The following DNAH7 variants were observed in gnomAD, a reference collection of about 807,000 sequenced individuals.
DNAH7 encodes axonemal beta dynein heavy chain 7.
DNAH7 carries 397 observed loss-of-function variants against 444.6 expected under a neutral mutation model. The observed-to-expected ratio is 0.89, with a 90% confidence interval of 0.82 to 0.97. The LOEUF (loss-of-function observed/expected upper bound fraction) is 0.97. Among genes scored for constraint, DNAH7 ranks in the 50% least tolerant of loss-of-function variants. The pLI, the probability that DNAH7 is intolerant of heterozygous loss-of-function variation, is 0.00. For synonymous variants in DNAH7, 1,636 were observed against 1,624.4 expected, an observed-to-expected ratio of 1.01 and a Z score of -0.17; for missense variants, 4,902 against 4,800.8, an observed-to-expected ratio of 1.02 and a Z score of -0.62.
chr2:195,808,719 C>T lies in DNAH7; in HGVS notation c.10046G>A (p.Arg3349His), dbSNP rs375673704. ...TACTTTCTTCCATCCATCCTTTAAG[C>T]GCATAAACTCTCTACGAATGGTTTT... is the stretch of plus-strand genomic sequence containing the variant. ...AFKTIRREFM[R>H]LKDGWKKVYD... Residue 3349 changes from arginine (R) to histidine (H), a missense_variant, in exon 53 of 65, where the codon CGC (arginine) becomes CAC (histidine). Transcript: ENST00000312428. 2.1e-5 allele frequency: 34 copies of T among 1,613,820 alleles called. No individual in the cohort carries two copies. Among genetic ancestry groups the T allele is most frequent in the Middle Eastern group, 1.6e-4 (1 of 6,080 alleles).
At chr2:195,841,862 ATTG>A (rs1391972006) in intron 47 of DNAH7, among the ~76,000 whole-genome samples, 1 of 151,908 alleles carries the variant, frequency 6.6e-6, no homozygotes, top group African/African-American at 2.4e-5. Context: ...TCTAGAGAGG[ATTG>A]TTATTTGGTG....
At position 195,809,725 on chromosome 2, in the gene DNAH7, C is replaced by A; in HGVS notation, c.9888+20G>T. 1 of 1,495,400 alleles carries A rather than the reference C, an allele frequency of 6.7e-7. No homozygotes were observed. Among genetic ancestry groups the A allele is most frequent in the Non-Finnish European group, 8.9e-7 (1 of 1,123,494 alleles). 92.6% of individuals were successfully genotyped at this position (1,495,400 alleles called of 1,614,324 possible). A position where few individuals can be genotyped will look rare whatever the true frequency, so the allele number is the denominator to read the frequency against. ...AGCGTTATTAAGGGTTTTTTTCTTA[C>A]AAATGAAAACAGTACTGACCGCCCG... is the stretch of plus-strand genomic sequence containing the variant. On this transcript the variant is annotated intron_variant, in intron 52 of 64. Transcript: ENST00000312428.
At chr2:195,912,572 C>T (rs1687422142) in intron 24 of DNAH7, among the ~76,000 whole-genome samples, 2 of 152,158 alleles carry the variant, frequency 1.3e-5, no homozygotes, top group African/African-American at 4.8e-5. Flanking sequence ...AAGCAAAAGC[C>T]ACCTGCGGCC....
At chr2:195,769,668 G>A (rs1037548442) in intron 61 of DNAH7, among the ~76,000 whole-genome samples, 2 of 151,888 alleles carry the variant, frequency 1.3e-5, no homozygotes, top group Non-Finnish European at 2.9e-5. Flanking sequence ...ACTTCTGTTC[G>A]TAAGTCACTA....
At chr2:195,757,859 T>A (rs1308901536) in intron 61 of DNAH7, among the ~76,000 whole-genome samples, 1 of 152,168 alleles carries the variant, frequency 6.6e-6, no homozygotes, top group African/African-American at 2.4e-5. Flanking sequence ...TAAAACTTGG[T>A]TTAAAAAACA....
At chr2:195,765,422 C>A (rs1694525416) in intron 61 of DNAH7, among the ~76,000 whole-genome samples, 1 of 151,902 alleles carries the variant, frequency 6.6e-6, no homozygotes, top group African/African-American at 2.4e-5. Flanking sequence ...AAGAAGCAAT[C>A]AATAAAATGA....
chr2:195,931,525 A>T (rs963726754), intron 21 of DNAH7, among the ~76,000 whole-genome samples: 1 of 151,674 alleles, frequency 6.6e-6, no homozygotes, highest in African/African-American at 2.4e-5. Context: ...GGTATTGCCT[A>T]GGTTTTCTTC....
At chr2:195,899,859 A>G (rs1479262400) in intron 28 of DNAH7, among the ~76,000 whole-genome samples, 2 of 152,200 alleles carry the variant, frequency 1.3e-5, no homozygotes, top group Non-Finnish European at 2.9e-5. Flanking sequence ...GAAGGTAAAC[A>G]TCATACTGCA....
intron 48 of DNAH7, among the ~76,000 whole-genome samples, chr2:195,833,792 G>A (rs1212571423): frequency 6.6e-6 from 1 of 151,938 alleles, no homozygotes; most frequent in Non-Finnish European, 1.5e-5. Flanking sequence ...GTCTCGCTCT[G>A]CCACCCAGGC....
chr2:195,881,861 C>T lies in DNAH7; in HGVS notation c.5895G>A (p.Leu1965=), dbSNP rs1701402363. 6 of 1,613,852 alleles carry T rather than the reference C, an allele frequency of 3.7e-6. No homozygotes were observed. The South Asian group carries it at 6.6e-5, about 18-fold the overall frequency. Residue 1965 remains leucine, a synonymous_variant, in exon 36 of 65, where the codon CTG becomes CTA. Transcript: ENST00000312428. ...ATATTGAAGGCTTTTGATGGGTGGT[C>T]AGCAATTCCATTAATGCAGAGTATC... ...TIRYSALMEL[L]TTHQKPSIFV... is the part of the protein sequence containing the mutation.
In DNAH7 at chr2:196,068,655, C is replaced by T. The variant is rs188121618; in HGVS notation, c.15+42G>A. 5,312 of 1,549,806 alleles carry T rather than the reference C, an allele frequency of 3.4e-3. 334 individuals are homozygous for T. The Admixed American group carries it at 0.098, about 29-fold the overall frequency. On this transcript the variant is annotated intron_variant, in intron 1 of 64. Coordinates refer to ENST00000312428, the MANE Select transcript of DNAH7 (RefSeq NM_018897.3). ...CACCACTTCCGAAACGCCTGGGAAG[C>T]GTCGCGGCGGCGGCGAGCCTGGCAA... is the stretch of plus-strand genomic sequence containing the variant.
chr2:195,961,228 ACT>A (rs1691077562), intron 17 of DNAH7, among the ~76,000 whole-genome samples: 1 of 152,174 alleles, frequency 6.6e-6, no homozygotes, highest in South Asian at 2.1e-4. Flanking sequence ...TACCTCACAC[ACT>A]GATTTTTTTG....
At position 196,048,334 on chromosome 2, in the gene DNAH7, C is replaced by T. The variant is rs753464736; in HGVS notation, c.212G>A (p.Ser71Asn). ...ATTTTTAACACTAAATGGTTCTGGA[C>T]TCTCATCATCCTGCTTTACACTCAA... Reference protein sequence around the residue: ...FHLSVKQDDESPEPFSVKNEQ... With the variant: ...FHLSVKQDDENPEPFSVKNEQ... Residue 71 changes from serine to asparagine, a missense_variant, in exon 4 of 65, where the codon AGT becomes AAT. Physicochemically the swap from Ser to Asn is conservative, Grantham distance 46. Coordinates refer to ENST00000312428, the MANE Select transcript of DNAH7 (RefSeq NM_018897.3). The T allele has an allele frequency of 1.2e-6, 2 of 1,614,008 alleles. No homozygotes were observed. Among genetic ancestry groups the T allele is most frequent in the Non-Finnish European group, 1.7e-6 (2 of 1,179,930 alleles).
Position 195,923,670 on chromosome 2 carries a change from G to C in DNAH7, c.3750C>G (p.Leu1250=), listed in dbSNP as rs1332117057. The C allele has an allele frequency of 1.2e-6, 2 of 1,614,100 alleles. No homozygotes were observed. The highest frequency in any genetic ancestry group is 1.7e-5 in the Admixed American group (1 of 60,012). Residue 1250 remains leucine, a synonymous_variant, in exon 23 of 65, where the codon CTC becomes CTG. Transcript: ENST00000312428. ...VVLDVHARDV[L]SSLVKKNISD... is the part of the protein sequence containing the mutation. ...TAATATTTTTTTTTACAAGTGATGAGAGGACATCTCTAGCATGGACATCCA... is the reference window on the plus strand; with the variant it reads ...TAATATTTTTTTTTACAAGTGATGACAGGACATCTCTAGCATGGACATCCA...
intron 35 of DNAH7, among the ~76,000 whole-genome samples, chr2:195,883,311 G>C (rs1701516544): frequency 6.6e-6 from 1 of 152,092 alleles, no homozygotes; most frequent in Non-Finnish European, 1.5e-5. Context: ...GCTGGGCATG[G>C]TGGCGGGTGC....
chr2:195,969,994 T>C lies in DNAH7; in HGVS notation c.2159A>G (p.Lys720Arg), dbSNP rs1436090151. 1 of 1,612,246 alleles carries C rather than the reference T, an allele frequency of 6.2e-7. No individual in the cohort carries two copies. Among genetic ancestry groups the C allele is most frequent in the East Asian group, 2.2e-5 (1 of 44,690 alleles). ...CTTTCCATTCAGTATTTGAGCCTTT[T>C]TTAGGTACCGCTGAACATCCTGAAG... ...GDLQDVQRYLKKAQILNGKLD... is the reference protein window; with the variant it reads ...GDLQDVQRYLRKAQILNGKLD... Residue 720 changes from lysine (K) to arginine (R), a missense_variant, in exon 17 of 65, where the codon AAA (lysine) becomes AGA (arginine). Lys to Arg is a conservative substitution (Grantham distance 26). Transcript: ENST00000312428.
rs1335917249 is a variant in DNAH7, at chr2:195,791,394, A to G, written c.10716+2944T>C. ...AAGCAGGAAAAAAAAAAAAAAAAAA[A>G]GTCAAAACACAATGGATGCTGGTGA... On this transcript the variant is annotated intron_variant, in intron 57 of 64. Coordinates refer to ENST00000312428, the MANE Select transcript of DNAH7 (RefSeq NM_018897.3). 2.6e-5 allele frequency among the ~76,000 whole-genome samples: 4 copies of G among 151,306 alleles called. No homozygotes were observed. The South Asian group carries it at 8.4e-4, about 32-fold the overall frequency.
At chr2:195,830,528 G>T (rs534700025) in intron 48 of DNAH7, among the ~76,000 whole-genome samples, 3 of 152,216 alleles carry the variant, frequency 2.0e-5, no homozygotes, top group African/African-American at 7.2e-5. Flanking sequence ...CACCTATCAG[G>T]TGCCCTTAAG....
intron 59 of DNAH7, among the ~76,000 whole-genome samples, chr2:195,776,619 T>TA (rs1223784294): frequency 6.6e-6 from 1 of 151,874 alleles, no homozygotes; most frequent in African/African-American, 2.4e-5. Context: ...CTTATCACAA[T>TA]AAAAATATTT....
Sources: gnomAD v4.1 joint callset for allele counts (sites outside exome capture counted in the v4.1 genomes callset) on GRCh38, gnomAD v4.1.1 for gene constraint, MANE v1.5 for transcripts, NCBI Gene and HGNC (gene_info 2026-07-23, HGNC 2026-07-21) for gene names.